PRIM2: variants seen among roughly 807,000 people sequenced by gnomAD.
PRIM2 encodes the protein DNA primase subunit 2.
A neutral mutation model predicts 67.3 loss-of-function variants in PRIM2; 39 were observed. The observed-to-expected ratio is 0.58, with a 90% CI of 0.45 to 0.76. PRIM2 has a LOEUF of 0.76. PRIM2 is among the 30% of genes least tolerant of loss of function. PRIM2 has a pLI of 0.00. For missense variants in PRIM2, 398 were observed against 598.7 expected, an observed-to-expected ratio of 0.66 and a Z score of 3.50; for synonymous variants, 143 against 198.7, an observed-to-expected ratio of 0.72 and a Z score of 2.36.
chr6:57,476,804 A>G (rs1175921442), intron 7 of PRIM2, among the ~76,000 whole-genome samples: 3 of 152,026 alleles, frequency 2.0e-5, no homozygotes, highest in Non-Finnish European at 2.9e-5. Flanking sequence ...CTGGAGTGCA[A>G]TGGTGCGATC....
the PRIM2 span, among the ~76,000 whole-genome samples, chr6:57,242,642 C>T: frequency 2.0e-5 from 3 of 152,120 alleles, no homozygotes; most frequent in Admixed American, 6.5e-5. Flanking sequence ...TACTGTATGA[C>T]GTCTCAGGGT....
chr6:57,422,224 G>A (rs1384448276), intron 7 of PRIM2, among the ~76,000 whole-genome samples: 3 of 125,552 alleles, frequency 2.4e-5, no homozygotes, highest in East Asian at 2.5e-4. Context: ...GTGTGATCTC[G>A]GCTCACTGCA....
the PRIM2 span, among the ~76,000 whole-genome samples, chr6:57,255,680 C>T: frequency 6.6e-6 from 1 of 152,062 alleles, no homozygotes; most frequent in African/African-American, 2.4e-5. Flanking sequence ...CAGCAATGTC[C>T]CATTTAAATC....
intron 7 of PRIM2, among the ~76,000 whole-genome samples, chr6:57,410,691 T>A (rs1301525586): frequency 6.6e-6 from 1 of 152,090 alleles, no homozygotes; most frequent in Non-Finnish European, 1.5e-5. Flanking sequence ...AATATAGTTT[T>A]ATTTTTTTTC....
chr6:57,374,307 T>A (rs201815309), intron 5 of PRIM2, among the ~76,000 whole-genome samples: 14 of 52,988 alleles, frequency 2.6e-4, no homozygotes, highest in East Asian at 8.2e-4. Context: ...TTATTTATTT[T>A]TTTTGAGACG....
At chr6:57,523,402 T>C in intron 8 of PRIM2, among the ~76,000 whole-genome samples, 1 of 152,388 alleles carries the variant, frequency 6.6e-6, no homozygotes, top group East Asian at 1.9e-4. Flanking sequence ...GGTTCTTTTA[T>C]GCCTCCATGA....
At chr6:57,348,003 G>A (rs544500848) in intron 5 of PRIM2, among the ~76,000 whole-genome samples, 4 of 152,114 alleles carry the variant, frequency 2.6e-5, no homozygotes, top group African/African-American at 4.8e-5. Flanking sequence ...CATTAGTTTC[G>A]GAAATTAAAG....
At chr6:57,564,129 T>C (rs1775692136) in intron 10 of PRIM2, among the ~76,000 whole-genome samples, 1 of 152,216 alleles carries the variant, frequency 6.6e-6, no homozygotes, top group Non-Finnish European at 1.5e-5. Context: ...TGTACTTACA[T>C]ATTAAGCTCA....
chr6:57,338,206 G>A (rs1479478303), intron 5 of PRIM2, among the ~76,000 whole-genome samples: 1 of 152,098 alleles, frequency 6.6e-6, no homozygotes, highest in East Asian at 1.9e-4. Context: ...TGAAATTGTG[G>A]TAATAATCAA....
chr6:57,403,612 A>G (rs1203349022), intron 7 of PRIM2, among the ~76,000 whole-genome samples: 4 of 152,110 alleles, frequency 2.6e-5, no homozygotes, highest in Non-Finnish European at 4.4e-5. Flanking sequence ...ATTTCTCTCT[A>G]TAGTGCTTTG....
intron 6 of PRIM2, among the ~76,000 whole-genome samples, chr6:57,380,392 G>T (rs1193274494): frequency 6.6e-6 from 1 of 152,124 alleles, no homozygotes; most frequent in Non-Finnish European, 1.5e-5. Context: ...TGACATCGTG[G>T]TGTCTTGCCT....
At chr6:57,505,723 A>G (rs1314033244) in intron 7 of PRIM2, among the ~76,000 whole-genome samples, 3 of 152,162 alleles carry the variant, frequency 2.0e-5, no homozygotes, top group Non-Finnish European at 2.9e-5. Context: ...TGAAGACTGA[A>G]ATTAAGATGA....
chr6:57,444,162 A>G (rs7738530), intron 7 of PRIM2, among the ~76,000 whole-genome samples: 102,527 of 151,966 alleles, frequency 0.67, 34,600 homozygotes, highest in South Asian at 0.74. Flanking sequence ...GGGTGATTCA[A>G]ACACCTCTCA....
chr6:57,284,615 A>T, the PRIM2 span, among the ~76,000 whole-genome samples: 1 of 152,020 alleles, frequency 6.6e-6, no homozygotes, highest in African/African-American at 2.4e-5. Flanking sequence ...AACCAGAAAC[A>T]ACGCAAAATA....
chr6:57,455,027 C>T (rs1425244567), intron 7 of PRIM2, among the ~76,000 whole-genome samples: 4 of 152,030 alleles, frequency 2.6e-5, no homozygotes, highest in African/African-American at 9.7e-5. Flanking sequence ...TTATTTCTGC[C>T]TTCATTTCAT....
intron 7 of PRIM2, among the ~76,000 whole-genome samples, chr6:57,459,974 C>T (rs1239346662): frequency 1.3e-5 from 2 of 152,144 alleles, no homozygotes; most frequent in Non-Finnish European, 2.9e-5. Context: ...GTGAGGGGCA[C>T]AGAGCCCCCT....
the PRIM2 span, among the ~76,000 whole-genome samples, chr6:57,305,632 G>T: frequency 6.6e-6 from 1 of 152,188 alleles, no homozygotes; most frequent in Admixed American, 6.5e-5. Context: ...AATTGTAATT[G>T]AAAGTAGTTT....
the PRIM2 span, among the ~76,000 whole-genome samples, chr6:57,305,107 A>T: frequency 6.6e-6 from 1 of 152,224 alleles, no homozygotes; most frequent in Non-Finnish European, 1.5e-5. Context: ...CTTACTGAGA[A>T]TGTGAACTTT....
At chr6:57,420,465 T>C (rs1562743950) in intron 7 of PRIM2, among the ~76,000 whole-genome samples, 1 of 152,140 alleles carries the variant, frequency 6.6e-6, no homozygotes, top group Admixed American at 6.5e-5. Flanking sequence ...ATTGCACCAT[T>C]GCACTCCAGC....
Sources: gnomAD v4.1 joint callset for allele counts (sites outside exome capture counted in the v4.1 genomes callset) on GRCh38, gnomAD v4.1.1 for gene constraint, MANE v1.5 for transcripts, NCBI Gene and HGNC (gene_info 2026-07-23, HGNC 2026-07-21) for gene names.